Variants in GABARAPL2 observed in about 807,000 individuals in gnomAD.
GABARAPL2 encodes the protein GABA type A receptor associated protein like 2.
GABARAPL2 carries 11 observed loss-of-function variants against 16.9 expected under a neutral mutation model. The ratio of observed to expected loss-of-function variants is 0.65; its 90% CI spans 0.41 to 1.08. GABARAPL2 has a LOEUF of 1.08. Among genes scored for constraint, GABARAPL2 ranks in the 50% least tolerant of loss-of-function variants. The probability of loss-of-function intolerance (pLI) is 0.00; values close to 1 mark genes in which losing one functional copy is unlikely to be tolerated. For synonymous variants in GABARAPL2, 57 were observed against 50.7 expected (o/e 1.12, Z -0.53); for missense variants, 134 against 142.5 (o/e 0.94, Z 0.30).
chr16:75,573,480 G>A (rs12446652), intron 3 of GABARAPL2, among the ~76,000 whole-genome samples: 18,344 of 152,194 alleles, frequency 0.12, 2,721 homozygotes, highest in East Asian at 0.73. Context: ...CTGACTATAA[G>A]GACACAGTGC....
intron 3 of GABARAPL2, among the ~76,000 whole-genome samples, chr16:75,570,777 T>G (rs909761747): frequency 6.6e-6 from 1 of 152,204 alleles, no homozygotes; most frequent in Non-Finnish European, 1.5e-5. Context: ...CTTGTTTCAT[T>G]TAAAAAAGAG....
In GABARAPL2 at chr16:75,568,031, T is replaced by C; in HGVS notation, c.91-6T>C. Reference sequence around the variant, plus strand: ...ACACAGTCCTGACCTCTCTTTACTTTCCCAGGTGATTGTGGAAAAGGTCTC... The same window carrying C: ...ACACAGTCCTGACCTCTCTTTACTTCCCCAGGTGATTGTGGAAAAGGTCTC... On this transcript the variant is annotated splice_region_variant and splice_polypyrimidine_tract_variant and intron_variant, in intron 2 of 3. Coordinates refer to ENST00000037243, the MANE Select transcript of GABARAPL2 (RefSeq NM_007285.7). The C allele has an allele frequency of 6.3e-7, 1 of 1,597,086 alleles. No homozygotes were observed. Among genetic ancestry groups the C allele is most frequent in the Non-Finnish European group, 8.6e-7 (1 of 1,166,848 alleles).
intron 3 of GABARAPL2, among the ~76,000 whole-genome samples, chr16:75,574,159 A>G (rs374065980): frequency 8.5e-5 from 13 of 152,202 alleles, no homozygotes; most frequent in African/African-American, 3.1e-4. Context: ...CCTGCCTTCA[A>G]CAGTAGCGGT....
At chr16:75,568,985 C>A (rs2080900015) in intron 3 of GABARAPL2, among the ~76,000 whole-genome samples, 1 of 152,206 alleles carries the variant, frequency 6.6e-6, no homozygotes, top group Non-Finnish European at 1.5e-5. Flanking sequence ...CCCCACCTCT[C>A]CCCTGAGTGT....
intron 2 of GABARAPL2, among the ~76,000 whole-genome samples, chr16:75,567,648 T>C (rs2080891934): frequency 6.6e-6 from 1 of 152,172 alleles, no homozygotes; most frequent in Non-Finnish European, 1.5e-5. Context: ...CATCCATTCT[T>C]GTCTCCTGTG....
intron 3 of GABARAPL2, among the ~76,000 whole-genome samples, chr16:75,573,577 A>G (rs1336948219): frequency 1.3e-5 from 2 of 152,250 alleles, no homozygotes; most frequent in Non-Finnish European, 2.9e-5. Flanking sequence ...TGAGGCATCT[A>G]ACTGTCAAAT....
intron 2 of GABARAPL2, among the ~76,000 whole-genome samples, chr16:75,567,528 T>A (rs190595427): frequency 5.1e-4 from 78 of 151,884 alleles, no homozygotes; most frequent in African/African-American, 1.9e-3. Context: ...ATAATTTGTC[T>A]GGGGAAAGGA....
At chr16:75,572,835 C>A (rs1449775236) in intron 3 of GABARAPL2, 1 of 152,282 alleles carries the variant, frequency 6.6e-6, no homozygotes, top group African/African-American at 2.4e-5. Flanking sequence ...GTACTCAGAG[C>A]AGCATCTTTC....
At chr16:75,571,797 C>G (rs2080916188) in intron 3 of GABARAPL2, among the ~76,000 whole-genome samples, 1 of 151,506 alleles carries the variant, frequency 6.6e-6, no homozygotes, top group African/African-American at 2.4e-5. Flanking sequence ...CTGCCTCTGC[C>G]CCCTAGTAGC....
At chr16:75,573,118 AG>A (rs544652477) in intron 3 of GABARAPL2, among the ~76,000 whole-genome samples, 2 of 152,292 alleles carry the variant, frequency 1.3e-5, no homozygotes, top group South Asian at 4.1e-4. Flanking sequence ...CCAAATTCTG[AG>A]GGGGAAGTTT....
At chr16:75,574,038 T>C (rs1466891600) in intron 3 of GABARAPL2, among the ~76,000 whole-genome samples, 1 of 152,236 alleles carries the variant, frequency 6.6e-6, no homozygotes, top group East Asian at 1.9e-4. Context: ...AACAAATTAA[T>C]GAACCCAAGT....
chr16:75,566,960 C>A (rs982719745), intron 2 of GABARAPL2, 53 bp downstream of exon 2: 4 of 1,380,294 alleles, frequency 2.9e-6, no homozygotes, highest in Admixed American at 3.4e-5. Context: ...CGTCTGGGAC[C>A]CGTGATAGGC....
chr16:75,573,634 T>C (rs1018768630), intron 3 of GABARAPL2, among the ~76,000 whole-genome samples: 6 of 152,256 alleles, frequency 3.9e-5, no homozygotes, highest in African/African-American at 1.4e-4. Flanking sequence ...ACTCAGCATG[T>C]GATGCAGAGA....
chr16:75,568,567 G>A (rs184101911), intron 3 of GABARAPL2, among the ~76,000 whole-genome samples: 2 of 152,330 alleles, frequency 1.3e-5, no homozygotes, highest in East Asian at 3.9e-4. Context: ...CCTCCACTGG[G>A]AGCCTGTGGG....
At chr16:75,573,641 G>C (rs193201010) in intron 3 of GABARAPL2, among the ~76,000 whole-genome samples, 29 of 152,390 alleles carry the variant, frequency 1.9e-4, no homozygotes, top group African/African-American at 6.7e-4. Flanking sequence ...ATGTGATGCA[G>C]AGACTGGCAG....
chr16:75,568,069 T>G lies in GABARAPL2; in HGVS notation c.123T>G (p.Ile41Met), dbSNP rs2080894740. 1 of 1,609,514 alleles carries G rather than the reference T, an allele frequency of 6.2e-7. No individual in the cohort carries two copies. The highest frequency in any genetic ancestry group is 8.5e-7 in the Non-Finnish European group (1 of 1,176,360). Reference sequence around the variant, plus strand: ...TGGAAAAGGTCTCAGGCTCTCAGATTGTTGACATTGACAAACGGAAGTACT... The same window carrying G: ...TGGAAAAGGTCTCAGGCTCTCAGATGGTTGACATTGACAAACGGAAGTACT... ...VIVEKVSGSQ[I>M]VDIDKRKYLV... Residue 41 changes from isoleucine (I) to methionine (M), a missense_variant, in exon 3 of 4, where the codon ATT becomes ATG. Transcript: ENST00000037243.
intron 3 of GABARAPL2, among the ~76,000 whole-genome samples, chr16:75,569,347 G>T (rs565730323): frequency 6.6e-6 from 1 of 152,326 alleles, no homozygotes; most frequent in African/African-American, 2.4e-5. Context: ...CCTGCCCACT[G>T]GACGCCATTG....
chr16:75,570,737 C>T (rs536815631), intron 3 of GABARAPL2, among the ~76,000 whole-genome samples: 1 of 152,142 alleles, frequency 6.6e-6, no homozygotes, highest in Non-Finnish European at 1.5e-5. Flanking sequence ...AGAGGCAAGT[C>T]CCTAAGTTTT....
intron 2 of GABARAPL2, 49 bp from the exon 3 acceptor site, chr16:75,567,988 A>C: frequency 1.4e-6 from 2 of 1,473,534 alleles, no homozygotes; most frequent in East Asian, 2.3e-5. Context: ...ATGTGAGGCC[A>C]GAGCCTCGCT....
Sources: allele counts gnomAD v4.1 joint callset (sites outside exome capture counted in the v4.1 genomes callset), GRCh38; gene constraint gnomAD v4.1.1; transcripts MANE v1.5; gene names NCBI Gene and HGNC (gene_info 2026-07-23, HGNC 2026-07-21).